CD5: variants seen among roughly 807,000 people sequenced by gnomAD.
CD5 encodes the protein CD5 molecule, also known as T-cell surface glycoprotein CD5.
Under a neutral mutation model 60.3 loss-of-function variants are expected in CD5, and 36 were observed. The ratio of observed to expected loss-of-function variants is 0.60; its 90% CI spans 0.46 to 0.79. CD5 has a LOEUF of 0.79. Ranked by LOEUF, CD5 falls within the 30% of genes least tolerant of loss-of-function variation. The probability of loss-of-function intolerance (pLI) is 0.00; values close to 1 mark genes in which losing one functional copy is unlikely to be tolerated. For synonymous variants in CD5, 230 were observed against 257.6 expected (o/e 0.89, Z 1.03); for missense variants, 540 against 630.6 (o/e 0.86, Z 1.54).
At chr11:61,107,770 G>A (rs1860797219) in intron 1 of CD5, among the ~76,000 whole-genome samples, 1 of 152,166 alleles carries the variant, frequency 6.6e-6, no homozygotes, top group East Asian at 1.9e-4. Context: ...GGTGTCCAGA[G>A]GGACCCTAAT....
At position 61,119,696 on chromosome 11, in the gene CD5, G is replaced by A. The variant is rs1861027407; in HGVS notation, c.805+121G>A. The A allele has an allele frequency of 5.6e-6, 4 of 713,026 alleles. No individual in the cohort carries two copies. The South Asian group carries it at 5.6e-5, about 10-fold the overall frequency. The allele number at this position is 713,026 out of a possible 1,614,324, so 44.2% of individuals were successfully genotyped here. A position where few individuals can be genotyped will look rare whatever the true frequency, so the allele number is the denominator to read the frequency against. Reference sequence around the variant, plus strand: ...GGGCACTATGGAGAATACAAGGGAAGTGGAGGCCTGGTCTTGGCCTCTAAG... The same window carrying A: ...GGGCACTATGGAGAATACAAGGGAAATGGAGGCCTGGTCTTGGCCTCTAAG... On this transcript the variant is annotated intron_variant, in intron 5 of 10. Coordinates refer to ENST00000347785, the MANE Select transcript of CD5 (RefSeq NM_014207.4).
chr11:61,112,058 C>T (rs977221918), intron 1 of CD5, among the ~76,000 whole-genome samples: 1 of 152,192 alleles, frequency 6.6e-6, no homozygotes, highest in African/African-American at 2.4e-5. Flanking sequence ...AGAAAGTCAT[C>T]GGTGACTGAA....
chr11:61,109,321 A>G (rs1860818568), intron 1 of CD5, among the ~76,000 whole-genome samples: 1 of 152,200 alleles, frequency 6.6e-6, no homozygotes, highest in African/African-American at 2.4e-5. Flanking sequence ...AGACACTGCC[A>G]TGTGTTTGAA....
At chr11:61,109,065 C>T (rs1672627341) in intron 1 of CD5, among the ~76,000 whole-genome samples, 2 of 152,216 alleles carry the variant, frequency 1.3e-5, no homozygotes, top group Admixed American at 1.3e-4. Flanking sequence ...GTTACAAAGC[C>T]AGCCGCCCTG....
intron 2 of CD5, among the ~76,000 whole-genome samples, chr11:61,115,719 T>C (rs1860929706): frequency 6.6e-6 from 1 of 152,244 alleles, no homozygotes; most frequent in Non-Finnish European, 1.5e-5. Flanking sequence ...AGACCTCTCC[T>C]TCACATTGAC....
chr11:61,121,563 G>A lies in CD5; in HGVS notation c.806-48G>A, dbSNP rs1367792069. 6.5e-6 allele frequency: 9 copies of A among 1,389,496 alleles called. No homozygotes were observed. In the East Asian group the frequency reaches 2.4e-4, roughly 36 times the overall value. The allele number at this position is 1,389,496 out of a possible 1,614,324, so 86.1% of individuals were successfully genotyped here. On this transcript the variant is annotated intron_variant, in intron 5 of 10. Coordinates refer to ENST00000347785, the MANE Select transcript of CD5 (RefSeq NM_014207.4). The stretch of plus-strand genomic sequence containing the variant: ...TGGGGCCCCAGGAAGCAGCACACAG[G>A]CTCAGGTTCACACTTGCACCCTCCT...
upstream of CD5, among the ~76,000 whole-genome samples, chr11:61,100,446 A>G (rs1231359074): frequency 7.0e-6 from 1 of 143,570 alleles, no homozygotes; most frequent in Non-Finnish European, 1.5e-5. Flanking sequence ...CACACACACA[A>G]CATGGAGATT....
chr11:61,116,617 C>CCA (rs779668547), intron 2 of CD5, among the ~76,000 whole-genome samples: 1 of 44,554 alleles, frequency 2.2e-5, no homozygotes, highest in Non-Finnish European at 4.6e-5. Context: ...CACACACATA[C>CCA]CACACACACA....
At chr11:61,121,203 C>T (rs1352365111) in intron 5 of CD5, among the ~76,000 whole-genome samples, 1 of 152,264 alleles carries the variant, frequency 6.6e-6, no homozygotes, top group East Asian at 1.9e-4. Flanking sequence ...GAAAAGTCCT[C>T]CTTCTTCCCA....
intron 8 of CD5, among the ~76,000 whole-genome samples, chr11:61,124,718 G>C (rs1057142331): frequency 6.6e-6 from 1 of 151,882 alleles, no homozygotes; most frequent in Non-Finnish European, 1.5e-5. Flanking sequence ...GGAGGGCAGG[G>C]AGCAGATCTG....
At chr11:61,119,653 G>A in intron 5 of CD5, 78 bp downstream of exon 5, 1 of 1,019,292 alleles carries the variant, frequency 9.8e-7, no homozygotes, top group Non-Finnish European at 1.5e-6. Flanking sequence ...GAAGGTCAGG[G>A]AACATGTGTG....
At position 61,118,500 on chromosome 11, in the gene CD5, C is replaced by G. The variant is rs1272701735; in HGVS notation, c.400+20C>G. 11 of 1,607,472 alleles carry G rather than the reference C, an allele frequency of 6.8e-6. No homozygotes were observed. The highest frequency in any genetic ancestry group is 9.4e-6 in the Non-Finnish European group (11 of 1,175,752). On this transcript the variant is annotated intron_variant, in intron 3 of 10. Coordinates refer to ENST00000347785, the MANE Select transcript of CD5 (RefSeq NM_014207.4). The surrounding 1 kb of genome is among the most constrained non-coding windows in gnomAD (Gnocchi z 4.7). ...GCTTAGGTGGGTAACTAGCCAGCCA[C>G]ACGGGCACCCTGGGCCTGGGCGCCA...
chr11:61,116,834 AAC>A (rs930579961), intron 2 of CD5, among the ~76,000 whole-genome samples: 2 of 111,192 alleles, frequency 1.8e-5, no homozygotes, highest in African/African-American at 3.6e-5. Flanking sequence ...CAACACACAC[AAC>A]ACACACACCA....
intron 1 of CD5, among the ~76,000 whole-genome samples, chr11:61,107,966 C>T (rs1318446096): frequency 6.6e-6 from 1 of 152,114 alleles, no homozygotes; most frequent in African/African-American, 2.4e-5. Context: ...CTGGGGCCTC[C>T]CTGGGGTAGA....
At chr11:61,099,928 A>ATTCG (rs1860637548), upstream of CD5, among the ~76,000 whole-genome samples, 1 of 151,924 alleles carries the variant, frequency 6.6e-6, no homozygotes, top group African/African-American at 2.4e-5. Context: ...TGGAGATCAC[A>ATTCG]CACACATCAA....
intron 7 of CD5, 61 bp downstream of exon 7, chr11:61,123,093 A>T: frequency 1.3e-6 from 2 of 1,506,514 alleles, no homozygotes; most frequent in Non-Finnish European, 1.8e-6. Context: ...GGGCTGCACT[A>T]GAGTCCTCCG....
upstream of CD5, among the ~76,000 whole-genome samples, chr11:61,099,709 C>A (rs1860633776): frequency 6.6e-6 from 1 of 151,822 alleles, no homozygotes; most frequent in Non-Finnish European, 1.5e-5. Context: ...GGAGATTACA[C>A]ACACATCAAC....
At position 61,121,636 on chromosome 11, in the gene CD5, T is replaced by A. The variant is rs751025279; in HGVS notation, c.831T>A (p.Arg277=). The A allele has an allele frequency of 6.5e-7, 1 of 1,528,712 alleles. No individual in the cohort carries two copies. The highest frequency in any genetic ancestry group is 1.2e-5 in the South Asian group (1 of 80,570). The allele number at this position is 1,528,712 out of a possible 1,614,324, so 94.7% of individuals were successfully genotyped here. The change falls in exon 6 of 11, where the codon CGT becomes CGA. Residue 277 remains arginine (R), a synonymous_variant. Coordinates refer to ENST00000347785, the MANE Select transcript of CD5 (RefSeq NM_014207.4). ...GTTTCCAGCCCAAGGTGCAGAGCCG[T>A]CTGGTGGGGGGCAGCAGCATCTGTG... The part of the protein sequence containing the change: ...CSGFQPKVQS[R]LVGGSSICEG...
intron 6 of CD5, 64 bp downstream of exon 6, chr11:61,121,968 G>C: frequency 1.4e-6 from 2 of 1,412,328 alleles, no homozygotes; most frequent in South Asian, 3.0e-5. Context: ...GACCCGGTCA[G>C]GGTGCATGTC....
Sources: gnomAD v4.1 joint callset for allele counts (sites outside exome capture counted in the v4.1 genomes callset) on GRCh38, gnomAD v4.1.1 for gene constraint, Gnocchi (gnomAD v3.1) non-coding constraint, MANE v1.5 for transcripts, NCBI Gene and HGNC (gene_info 2026-07-23, HGNC 2026-07-21) for gene names.